The following RGS6 variants were observed in gnomAD, a reference collection of about 807,000 sequenced individuals.
RGS6 encodes regulator of G protein signaling 6.
Under a neutral mutation model 78.5 loss-of-function variants are expected in RGS6, and 30 were observed. The ratio of observed to expected loss-of-function variants is 0.38; its 90% confidence interval spans 0.29 to 0.52. The LOEUF (loss-of-function observed/expected upper bound fraction) is 0.52, where lower values mean the gene tolerates loss of function less well. RGS6 is among the 20% of genes least tolerant of loss of function. The pLI, the probability that RGS6 is intolerant of heterozygous loss-of-function variation, is 0.85. For synonymous variants in RGS6, 206 were observed against 206.0 expected (o/e 1.00, Z 0.00); for missense variants, 495 against 609.7 (o/e 0.81, Z 1.98).
At chr14:72,548,340 T>TGTGTGTGTGTGTGCGC (rs1264286035) in intron 17 of RGS6, among the ~76,000 whole-genome samples, 2 of 131,416 alleles carry the variant, frequency 1.5e-5, no homozygotes, top group East Asian at 2.7e-4. Context: ...TGTGTGTGTG[T>TGTGTGTGTGTGTGCGC]GTGCGCGCGT....
intron 2 of RGS6, among the ~76,000 whole-genome samples, chr14:72,143,070 G>C (rs569274995): frequency 6.6e-6 from 1 of 152,174 alleles, no homozygotes; most frequent in African/African-American, 2.4e-5. Flanking sequence ...GAGAATCCTG[G>C]ATAAAGAAGA....
At chr14:72,615,498 A>C in the RGS6 span, among the ~76,000 whole-genome samples, 1 of 152,232 alleles carries the variant, frequency 6.6e-6, no homozygotes. Context: ...AGGAGTGTGC[A>C]ACCCTCCAGG....
intron 2 of RGS6, among the ~76,000 whole-genome samples, chr14:72,060,127 C>T (rs551282278): frequency 6.6e-6 from 1 of 152,254 alleles, no homozygotes; most frequent in Non-Finnish European, 1.5e-5. Context: ...GCCAGGGACT[C>T]AAACAGGAGC....
At chr14:72,168,296 C>T (rs939971577) in intron 2 of RGS6, among the ~76,000 whole-genome samples, 11 of 152,080 alleles carry the variant, frequency 7.2e-5, no homozygotes, top group Admixed American at 2.0e-4. Context: ...CCACAGGCCT[C>T]GGAATGTGGC....
chr14:71,983,655 C>T (rs1034155780), intron 2 of RGS6, among the ~76,000 whole-genome samples: 1 of 152,182 alleles, frequency 6.6e-6, no homozygotes, highest in Non-Finnish European at 1.5e-5. Flanking sequence ...CCTCACCTTC[C>T]TCATGTGCCT....
chr14:72,065,916 TC>T (rs562810939), intron 2 of RGS6, among the ~76,000 whole-genome samples: 8 of 128,542 alleles, frequency 6.2e-5, no homozygotes, highest in East Asian at 4.8e-4. Context: ...ATGCTATCCC[TC>T]CCCCCCTCCC....
intron 17 of RGS6, among the ~76,000 whole-genome samples, chr14:72,558,816 T>C (rs1410129313): frequency 6.6e-6 from 1 of 152,244 alleles, no homozygotes; most frequent in Non-Finnish European, 1.5e-5. Flanking sequence ...TATGCAAAGC[T>C]TTGGTGTCTC....
intron 12 of RGS6, among the ~76,000 whole-genome samples, chr14:72,494,373 A>T (rs1052858658): frequency 1.3e-5 from 2 of 152,166 alleles, no homozygotes; most frequent in East Asian, 1.9e-4. Context: ...TGTCTAAAAT[A>T]AAAAAATCAG....
chr14:72,492,680 T>C (rs1598304551), intron 12 of RGS6, among the ~76,000 whole-genome samples: 1 of 152,178 alleles, frequency 6.6e-6, no homozygotes, highest in South Asian at 2.1e-4. Flanking sequence ...TAGGGTATCA[T>C]GTTCTGAGCC....
intron 2 of RGS6, among the ~76,000 whole-genome samples, chr14:71,973,161 C>T (rs1355783590): frequency 2.0e-5 from 3 of 152,130 alleles, no homozygotes; most frequent in Non-Finnish European, 2.9e-5. Context: ...ATCTCTAAAG[C>T]ATTTTTTTAG....
intron 2 of RGS6, among the ~76,000 whole-genome samples, chr14:72,166,136 ACAGACT>A (rs1180110770): frequency 6.8e-6 from 1 of 146,016 alleles, no homozygotes; most frequent in Non-Finnish European, 1.5e-5. Context: ...ACACACACAC[ACAGACT>A]GACTTTGTTA....
intron 2 of RGS6, among the ~76,000 whole-genome samples, chr14:72,042,998 T>C (rs1051008583): frequency 1.3e-5 from 2 of 152,162 alleles, no homozygotes; most frequent in Admixed American, 6.6e-5. Context: ...AAATTTTAGC[T>C]AACTTGATAG....
intron 17 of RGS6, among the ~76,000 whole-genome samples, chr14:72,559,629 T>C (rs2097643175): frequency 6.6e-6 from 1 of 152,150 alleles, no homozygotes; most frequent in Non-Finnish European, 1.5e-5. Context: ...CAGCACCGCC[T>C]GGGTTGCTGA....
intron 2 of RGS6, among the ~76,000 whole-genome samples, chr14:72,287,933 GAAAT>G (rs2061388426): frequency 6.6e-6 from 1 of 152,170 alleles, no homozygotes; most frequent in South Asian, 2.1e-4. Context: ...TCAGATCCCA[GAAAT>G]AAATCCCACT....
At chr14:72,020,394 C>T (rs1365947850) in intron 2 of RGS6, among the ~76,000 whole-genome samples, 2 of 152,202 alleles carry the variant, frequency 1.3e-5, no homozygotes, top group Non-Finnish European at 2.9e-5. Flanking sequence ...GTTAACCTGT[C>T]CTAGGATGAA....
chr14:71,936,018 A>ATATATATATATATG lies in RGS6; in HGVS notation c.-21+3090_-21+3091insGTATATATATATAT, dbSNP rs1233453095. On this transcript the variant is annotated intron_variant, in intron 1 of 17. Coordinates refer to ENST00000553525, the MANE Select transcript of RGS6 (RefSeq NM_001204424.2). ...CTTAGAGGGACAGAACTAATAGGAT[A>ATATATATATATATG]TATATATATATATATATATATATGT... is the stretch of plus-strand genomic sequence containing the variant. 5.6e-4 allele frequency among the ~76,000 whole-genome samples: 66 copies of ATATATATATATATG among 118,558 alleles called. 4 individuals carry two copies. The highest frequency in any genetic ancestry group is 2.2e-3 in the African/African-American group (64 of 29,374). 77.8% of individuals were successfully genotyped at this position (118,558 alleles called of 152,430 possible). A position where few individuals can be genotyped will look rare whatever the true frequency, so the allele number is the denominator to read the frequency against.
At chr14:72,256,332 T>C (rs1428695817) in intron 2 of RGS6, among the ~76,000 whole-genome samples, 3 of 152,158 alleles carry the variant, frequency 2.0e-5, no homozygotes, top group Non-Finnish European at 2.9e-5. Context: ...TGGGTCCAGG[T>C]AGAGTCAGTC....
intron 13 of RGS6, among the ~76,000 whole-genome samples, chr14:72,506,866 A>G (rs1292580129): frequency 6.6e-6 from 1 of 151,798 alleles, no homozygotes; most frequent in Non-Finnish European, 1.5e-5. Context: ...AAGAGAAAGC[A>G]GGCTGGGCAT....
chr14:72,203,429 C>G (rs180942730), intron 2 of RGS6, among the ~76,000 whole-genome samples: 110 of 152,354 alleles, frequency 7.2e-4, no homozygotes, highest in Non-Finnish European at 8.2e-4. Flanking sequence ...TATTATCTCA[C>G]AGCACTGTGG....
Sources: allele counts gnomAD v4.1 joint callset (sites outside exome capture counted in the v4.1 genomes callset), GRCh38; gene constraint gnomAD v4.1.1; transcripts MANE v1.5; gene names NCBI Gene and HGNC (gene_info 2026-07-23, HGNC 2026-07-21).